Variants in DNAH12 observed in about 807,000 individuals in gnomAD.
DNAH12 encodes dynein axonemal heavy chain 12, also known as axonemal beta dynein heavy chain 12.
A neutral mutation model predicts 371.5 loss-of-function variants in DNAH12; 285 were observed. The ratio of observed to expected loss-of-function variants is 0.77; its 90% CI spans 0.70 to 0.85. The LOEUF is 0.85. Ranked by LOEUF, DNAH12 falls within the 40% of genes least tolerant of loss-of-function variation. DNAH12 has a pLI of 0.00. For synonymous variants in DNAH12, 1,200 were observed against 1,213.0 expected (o/e 0.99, Z 0.22); for missense variants, 3,611 against 3,689.4 (o/e 0.98, Z 0.55).
chr3:57,447,600 C>G (rs58045564), intron 25 of DNAH12, among the ~76,000 whole-genome samples: 19,355 of 149,554 alleles, frequency 0.13, 1,277 homozygotes, highest in South Asian at 0.15. Flanking sequence ...AATATTTTTA[C>G]TTTATTTTTA....
intron 25 of DNAH12, among the ~76,000 whole-genome samples, chr3:57,449,591 G>T (rs917698859): frequency 2.0e-5 from 3 of 152,252 alleles, no homozygotes; most frequent in African/African-American, 7.2e-5. Context: ...TAGCCCAGGT[G>T]CTAAGTCCCT....
chr3:57,322,854 C>T (rs144567731), intron 64 of DNAH12, among the ~76,000 whole-genome samples, 153 bp downstream of exon 64: 7 of 152,342 alleles, frequency 4.6e-5, no homozygotes, highest in African/African-American at 1.4e-4. Flanking sequence ...CGCTTGAACC[C>T]GGGAGGCGAA....
chr3:57,366,371 A>T (rs1249764919), intron 57 of DNAH12, among the ~76,000 whole-genome samples: 1 of 152,166 alleles, frequency 6.6e-6, no homozygotes, highest in Admixed American at 6.6e-5. Flanking sequence ...TCTATGGAGC[A>T]GCCATTCTTT....
chr3:57,389,646 A>G (rs2063568030), intron 45 of DNAH12, among the ~76,000 whole-genome samples: 1 of 151,640 alleles, frequency 6.6e-6, no homozygotes, highest in Non-Finnish European at 1.5e-5. Flanking sequence ...CTCCTTTTAT[A>G]GTGAAAATAC....
chr3:57,451,708 A>C (rs2065760224), intron 25 of DNAH12, among the ~76,000 whole-genome samples: 1 of 152,150 alleles, frequency 6.6e-6, no homozygotes, highest in African/African-American at 2.4e-5. Flanking sequence ...AGAGCCGGAG[A>C]GCGCGCCTCA....
chr3:57,345,636 G>A (rs9869142), intron 60 of DNAH12, among the ~76,000 whole-genome samples: 14,220 of 152,128 alleles, frequency 0.093, 2,175 homozygotes, highest in African/African-American at 0.32. Context: ...AATTATTACA[G>A]TAGTACAGTG....
chr3:57,520,021 C>T lies in DNAH12; in HGVS notation c.279+3562G>A, dbSNP rs2068354553. ...TTCCACGTCGGCCATGGTAGCGCCGCGGAGCCGATGGCCGACGTTGGGTTG... is the reference window on the plus strand; with the variant it reads ...TTCCACGTCGGCCATGGTAGCGCCGTGGAGCCGATGGCCGACGTTGGGTTG... On this transcript the variant is annotated intron_variant, in intron 4 of 73. Coordinates refer to ENST00000495027, the MANE Select transcript of DNAH12 (RefSeq NM_001366028.2). 1.1e-5 allele frequency: 8 copies of T among 749,700 alleles called. No individual in the cohort carries two copies. The Admixed American group carries it at 1.1e-4, about 10-fold the overall frequency. 46.4% of individuals were successfully genotyped at this position (749,700 alleles called of 1,614,324 possible). A position where few individuals can be genotyped will look rare whatever the true frequency, so the allele number is the denominator to read the frequency against.
At chr3:57,544,990 A>ATTT (rs574394355), upstream of DNAH12, among the ~76,000 whole-genome samples, 5 of 142,642 alleles carry the variant, frequency 3.5e-5, no homozygotes, top group African/African-American at 7.7e-5. Context: ...TTGCTACGTA[A>ATTT]TTTTTTTTTT....
chr3:57,428,464 CCT>C (rs1212782431), intron 34 of DNAH12, 167 bp downstream of exon 34: 7 of 1,533,976 alleles, frequency 4.6e-6, no homozygotes, highest in East Asian at 2.5e-5. Context: ...TAATTCAACC[CCT>C]GAGTTATGCA....
At chr3:57,360,914 C>T (rs1455401318) in intron 58 of DNAH12, among the ~76,000 whole-genome samples, 1 of 152,088 alleles carries the variant, frequency 6.6e-6, no homozygotes, top group African/African-American at 2.4e-5. Context: ...TCTGTAATAC[C>T]ATTTAATTGT....
chr3:57,423,290 T>C (rs1229949334), intron 35 of DNAH12, among the ~76,000 whole-genome samples: 4 of 152,206 alleles, frequency 2.6e-5, no homozygotes, highest in Non-Finnish European at 5.9e-5. Flanking sequence ...GAAGGTTATA[T>C]AGGTAAACTA....
chr3:57,396,290 C>CAAAAAAA (rs1159748997), intron 43 of DNAH12, among the ~76,000 whole-genome samples: 19 of 68,696 alleles, frequency 2.8e-4, no homozygotes, highest in South Asian at 8.6e-4. Flanking sequence ...AAAAAAAAAA[C>CAAAAAAA]AAAAAAAAAA....
Position 57,351,995 on chromosome 3 carries a change from A to G in DNAH12, c.9674+90T>C, listed in dbSNP as rs1333106600. 7.6e-6 allele frequency: 10 copies of G among 1,315,124 alleles called. No homozygotes were observed. The Admixed American group carries it at 1.7e-4, about 22-fold the overall frequency. The allele number at this position is 1,315,124 out of a possible 1,614,324, so 81.5% of individuals were successfully genotyped here. On this transcript the variant is annotated intron_variant, in intron 60 of 73. Transcript: ENST00000495027. Reference sequence around the variant, plus strand: ...AATCATGACTTAAGCGAAGAAAAATATAGACTTCTGTGAGAAGACATATTC... The same window carrying G: ...AATCATGACTTAAGCGAAGAAAAATGTAGACTTCTGTGAGAAGACATATTC...
intron 4 of DNAH12, chr3:57,520,052 A>C: frequency 1.7e-6 from 1 of 604,484 alleles, no homozygotes; most frequent in Non-Finnish European, 2.9e-6. Context: ...GGTTGGGGAA[A>C]GCCGGAGGCT....
At chr3:57,495,140 A>T (rs2067263738) in intron 11 of DNAH12, among the ~76,000 whole-genome samples, 1 of 152,244 alleles carries the variant, frequency 6.6e-6, no homozygotes, top group African/African-American at 2.4e-5. Flanking sequence ...TGAAACAGTA[A>T]ATGACAGAAA....
At chr3:57,443,375 G>A (rs1284089106) in intron 29 of DNAH12, among the ~76,000 whole-genome samples, 1 of 152,122 alleles carries the variant, frequency 6.6e-6, no homozygotes, top group Non-Finnish European at 1.5e-5. Context: ...CTCCCAAAGT[G>A]CTGGGATTAT....
chr3:57,548,287 C>G, upstream of DNAH12, among the ~76,000 whole-genome samples: 1 of 152,124 alleles, frequency 6.6e-6, no homozygotes, highest in East Asian at 1.9e-4. Context: ...TAATACGTCT[C>G]TCTTAGGCTT....
chr3:57,519,977 C>A (rs1250343121), intron 4 of DNAH12: 11 of 832,156 alleles, frequency 1.3e-5, no homozygotes, highest in Non-Finnish European at 1.8e-5. Context: ...GAGGTCAGGG[C>A]GTAGGGTTCC....
rs1432355471 is a variant in DNAH12, at chr3:57,368,059, TTGTC to T, written c.8957_8960del (p.Arg2986LysfsTer32). The T allele has an allele frequency of 1.3e-5, 2 of 152,246 alleles. No individual in the cohort carries two copies. The highest frequency in any genetic ancestry group is 4.8e-5 in the African/African-American group (2 of 41,468). 9.4% of individuals were successfully genotyped at this position (152,246 alleles called of 1,614,324 possible). A position where few individuals can be genotyped will look rare whatever the true frequency, so the allele number is the denominator to read the frequency against. On this transcript the variant is annotated frameshift_variant, in exon 56 of 74. Transcript: ENST00000495027. LOFTEE classifies it high-confidence loss of function. Reference sequence around the variant, plus strand: ...ATTGCTTTATACCTTGTTTAAAAGTTTGTCTGAGTAGTAAAGGCTCCAAAGATGG... The same window carrying T: ...ATTGCTTTATACCTTGTTTAAAAGTTTGAGTAGTAAAGGCTCCAAAGATGG...
Sources: allele counts gnomAD v4.1 joint callset (sites outside exome capture counted in the v4.1 genomes callset), GRCh38; gene constraint gnomAD v4.1.1; transcripts MANE v1.5; gene names NCBI Gene and HGNC (gene_info 2026-07-23, HGNC 2026-07-21).